Variants in KLHL4 observed in about 807,000 individuals in gnomAD.
The protein encoded by KLHL4 is kelch-like protein 4.
KLHL4 carries 17 observed loss-of-function variants against 45.8 expected under a neutral mutation model. The observed-to-expected ratio is 0.37, with a 90% CI of 0.25 to 0.56. The LOEUF (loss-of-function observed/expected upper bound fraction) is 0.56, where lower values mean the gene tolerates loss of function less well. Ranked by LOEUF, KLHL4 falls within the 20% of genes least tolerant of loss-of-function variation. KLHL4 has a pLI of 0.79. For missense variants in KLHL4, 544 were observed against 544.9 expected (o/e 1.00, Z 0.02); for synonymous variants, 224 against 189.9 (o/e 1.18, Z -1.47).
At chrX:87,599,431 G>A (rs1181769887) in intron 1 of KLHL4, among the ~76,000 whole-genome samples, 1 of 111,772 alleles carries the variant, frequency 8.9e-6, no homozygotes, top group Non-Finnish European at 1.9e-5. Context: ...TTTGAGAACA[G>A]AAATAACCTA....
chrX:87,614,512 C>A lies in KLHL4; in HGVS notation c.669C>A (p.Val223=). Residue 223 remains valine (V), a synonymous_variant, in exon 3 of 11, where the codon GTC becomes GTA. Coordinates refer to ENST00000373119, the MANE Select transcript of KLHL4 (RefSeq NM_019117.5). ...NDVLEAKQEE[V]RMEGVDPNAL... is the part of the protein sequence containing the mutation. ...TGCTTGAAGCCAAACAAGAAGAGGT[C>A]AGGATGGAAGGAGTAGATCCAAATG... 3 of 1,208,886 alleles carry A rather than the reference C, an allele frequency of 2.5e-6. No homozygotes were observed. The highest frequency in any genetic ancestry group is 1.8e-5 in the South Asian group (1 of 56,881).
intron 1 of KLHL4, among the ~76,000 whole-genome samples, chrX:87,520,671 G>A (rs1930982661): frequency 8.9e-6 from 1 of 111,978 alleles, no homozygotes; most frequent in Non-Finnish European, 1.9e-5. Context: ...CACACTGTGA[G>A]TATTCATATA....
At chrX:87,620,633 T>C (rs749259927) in intron 4 of KLHL4, among the ~76,000 whole-genome samples, 1 of 112,374 alleles carries the variant, frequency 8.9e-6, no homozygotes, top group African/African-American at 3.2e-5. Flanking sequence ...TTTTATAGTT[T>C]TATATTTGTC....
At chrX:87,594,471 C>T (rs770204789) in intron 1 of KLHL4, among the ~76,000 whole-genome samples, 1 of 111,800 alleles carries the variant, frequency 8.9e-6, no homozygotes, top group South Asian at 3.7e-4. Flanking sequence ...CATCTGCCCT[C>T]ATGTGTTAAA....
At chrX:87,663,210 CCAT>C (rs1263890099) in intron 9 of KLHL4, among the ~76,000 whole-genome samples, 1 of 110,784 alleles carries the variant, frequency 9.0e-6, no homozygotes, top group Non-Finnish European at 1.9e-5. Context: ...GAAAATAAGA[CCAT>C]GACTCATTCT....
chrX:87,559,390 C>T (rs765964185), intron 1 of KLHL4, among the ~76,000 whole-genome samples: 54 of 111,359 alleles, frequency 4.8e-4, no homozygotes, highest in African/African-American at 1.8e-3. Context: ...ACGTTGACAG[C>T]CTTAGTTGTG....
rs58586775 is a variant in KLHL4, at chrX:87,568,391, C to CTTTTT, written c.423-45471_423-45467dup. On this transcript the variant is annotated intron_variant, in intron 1 of 10. Coordinates refer to ENST00000373119, the MANE Select transcript of KLHL4 (RefSeq NM_019117.5). ...TTTTTTCTTTTTCTTTTCTTTTTTT[C>CTTTTT]TTTTTTTTTTTTTTTTTTTGCAGAA... Among the ~76,000 whole-genome samples the CTTTTT allele has an allele frequency of 4.7e-4, 27 of 57,487 alleles. 5 individuals carry two copies. The highest frequency in any genetic ancestry group is 7.0e-4 in the East Asian group (1 of 1,420). 49.9% of individuals were successfully genotyped at this position (57,487 alleles called of 115,157 possible). A position where few individuals can be genotyped will look rare whatever the true frequency, so the allele number is the denominator to read the frequency against.
In KLHL4 at chrX:87,616,036, C is replaced by G. The variant is rs1001557744; in HGVS notation, c.727+1466C>G. 5.4e-5 allele frequency among the ~76,000 whole-genome samples: 6 copies of G among 111,133 alleles called. No individual in the cohort carries two copies. The Admixed American group carries it at 5.8e-4, about 11-fold the overall frequency. ...TTCAAAGTTGTTCCTATGCCACAACCCCATAATGTAGCATAGTATACTTTG... is the reference window on the plus strand; with the variant it reads ...TTCAAAGTTGTTCCTATGCCACAACGCCATAATGTAGCATAGTATACTTTG... On this transcript the variant is annotated intron_variant, in intron 3 of 10. Coordinates refer to ENST00000373119, the MANE Select transcript of KLHL4 (RefSeq NM_019117.5).
intron 3 of KLHL4, among the ~76,000 whole-genome samples, chrX:87,614,968 A>C (rs1922509457): frequency 9.0e-6 from 1 of 111,479 alleles, no homozygotes; most frequent in Admixed American, 9.6e-5. Context: ...CATTCTGTTC[A>C]TTCAGAATAA....
chrX:87,565,706 AAAAAAAAG>A lies in KLHL4; in HGVS notation c.422+47392_422+47399del, dbSNP rs1441819981. Among the ~76,000 whole-genome samples the A allele has an allele frequency of 1.9e-4, 13 of 68,158 alleles. 1 individual carries two copies. Among genetic ancestry groups the A allele is most frequent in the African/African-American group, 7.3e-4 (12 of 16,397 alleles). The allele number at this position is 68,158 out of a possible 115,157, so 59.2% of individuals were successfully genotyped here. ...GTGCCAAAAAAAAAAAAAAAAAAAA[AAAAAAAAG>A]GAAATGAATTAGGGGACACTACTGC... On this transcript the variant is annotated intron_variant, in intron 1 of 10. Transcript: ENST00000373119.
chrX:87,616,042 A>G (rs1378678258), intron 3 of KLHL4, among the ~76,000 whole-genome samples: 3 of 111,720 alleles, frequency 2.7e-5, no homozygotes, highest in Non-Finnish European at 3.8e-5. Context: ...CAACCCCATA[A>G]TGTAGCATAG....
intron 1 of KLHL4, among the ~76,000 whole-genome samples, chrX:87,540,382 T>TGTA (rs1318015468): frequency 8.9e-6 from 1 of 112,338 alleles, no homozygotes; most frequent in Non-Finnish European, 1.9e-5. Context: ...TTTTGATGCT[T>TGTA]GTAGTAACAC....
intron 1 of KLHL4, among the ~76,000 whole-genome samples, chrX:87,595,314 G>C (rs1231666039): frequency 1.8e-5 from 2 of 111,165 alleles, no homozygotes; most frequent in East Asian, 2.9e-4. Context: ...CTGTTGATTT[G>C]AAGAGATTCA....
chrX:87,621,044 G>A (rs930410560), intron 4 of KLHL4, among the ~76,000 whole-genome samples: 2 of 106,818 alleles, frequency 1.9e-5, no homozygotes, highest in Non-Finnish European at 3.8e-5. Context: ...TGAAACTTAC[G>A]GCATCAGAGC....
intron 1 of KLHL4, among the ~76,000 whole-genome samples, chrX:87,606,702 A>G (rs1174205186): frequency 9.0e-6 from 1 of 111,300 alleles, no homozygotes; most frequent in African/African-American, 3.3e-5. Context: ...AGAAAATTAA[A>G]TCATTAAAAA....
intron 1 of KLHL4, among the ~76,000 whole-genome samples, chrX:87,544,469 G>T (rs767336573): frequency 9.0e-6 from 1 of 111,665 alleles, no homozygotes; most frequent in African/African-American, 3.3e-5. Context: ...ACAGGCAGTA[G>T]CCAGGGAGTA....
intron 1 of KLHL4, among the ~76,000 whole-genome samples, chrX:87,540,186 G>A (rs1402718718): frequency 9.0e-6 from 1 of 111,461 alleles, no homozygotes; most frequent in African/African-American, 3.3e-5. Context: ...TGAGTGGTGA[G>A]TGACTGTGAA....
intron 1 of KLHL4, among the ~76,000 whole-genome samples, chrX:87,578,737 G>A (rs1021766320): frequency 1.8e-4 from 20 of 112,417 alleles, no homozygotes; most frequent in African/African-American, 6.1e-4. Context: ...CAATTTCCCA[G>A]CCTTTTGGTG....
intron 10 of KLHL4, 75 bp from the exon 11 acceptor site, chrX:87,666,400 A>G (rs1924369665): frequency 2.0e-6 from 2 of 978,337 alleles, no homozygotes; most frequent in Non-Finnish European, 1.4e-6. Context: ...TTCTTCAACT[A>G]TATTGAATAT....
Sources: allele counts gnomAD v4.1 joint callset (sites outside exome capture counted in the v4.1 genomes callset), GRCh38; gene constraint gnomAD v4.1.1; transcripts MANE v1.5; gene names NCBI Gene and HGNC (gene_info 2026-07-23, HGNC 2026-07-21).